The following WDR70 variants were observed in gnomAD, a reference collection of about 807,000 sequenced individuals.
WDR70 encodes WD repeat-containing protein 70.
WDR70 carries 53 observed loss-of-function variants against 88.6 expected under a neutral mutation model. The observed-to-expected ratio is 0.60, with a 90% CI of 0.48 to 0.75. The LOEUF is 0.75. Among genes scored for constraint, WDR70 ranks in the 30% least tolerant of loss-of-function variants. The pLI is 0.00. For missense variants in WDR70, 610 were observed against 823.2 expected (o/e 0.74, Z 3.17); for synonymous variants, 280 against 270.0 (o/e 1.04, Z -0.36).
intron 10 of WDR70, among the ~76,000 whole-genome samples, chr5:37,630,467 G>A (rs1033372700): frequency 2.0e-5 from 3 of 152,152 alleles, no homozygotes; most frequent in African/African-American, 4.8e-5. Flanking sequence ...CCCTGAGTGT[G>A]GGCACTTAGC....
chr5:37,542,580 C>A (rs1316816964), intron 9 of WDR70, among the ~76,000 whole-genome samples: 1 of 152,086 alleles, frequency 6.6e-6, no homozygotes, highest in Non-Finnish European at 1.5e-5. Flanking sequence ...TGTGCCCCGG[C>A]CCACTTTAGT....
At chr5:37,450,460 A>AC (rs1174507294) in intron 7 of WDR70, among the ~76,000 whole-genome samples, 1 of 152,152 alleles carries the variant, frequency 6.6e-6, no homozygotes, top group Non-Finnish European at 1.5e-5. Flanking sequence ...GTTAACCTGA[A>AC]CACCAGTTCA....
rs1561866425 is a variant in WDR70 at position 37,475,208 on chromosome 5, C to CGA, written c.687-4625_687-4624insAG. On this transcript the variant is annotated intron_variant, in intron 7 of 17. Transcript: ENST00000265107. ...ATGCTGGGATTATAGGTGTGAGCCA[C>CGA]GGTACCCATCCTTGTTCCTTGATTT... Among the ~76,000 whole-genome samples, 5 of 151,150 alleles carry CGA rather than the reference C, an allele frequency of 3.3e-5. No individual in the cohort carries two copies. In the East Asian group the frequency reaches 9.9e-4, roughly 30 times the overall value.
chr5:37,499,118 C>CTT (rs1249708604), intron 8 of WDR70, among the ~76,000 whole-genome samples: 1 of 144,664 alleles, frequency 6.9e-6, no homozygotes, highest in African/African-American at 2.5e-5. Context: ...GTTTGTCATT[C>CTT]TTTTTTTTTT....
intron 8 of WDR70, chr5:37,506,889 C>T (rs1740576618): frequency 8.4e-6 from 9 of 1,067,246 alleles, no homozygotes; most frequent in Non-Finnish European, 1.3e-5. Context: ...CTGAGTGAGC[C>T]ACCACCCTCC....
chr5:37,488,095 T>TTC (rs1554143007), intron 8 of WDR70, among the ~76,000 whole-genome samples: 2 of 143,120 alleles, frequency 1.4e-5, no homozygotes, highest in African/African-American at 2.5e-5. Context: ...TTTTTTTTTT[T>TTC]CCTTTCAGCA....
intron 9 of WDR70, among the ~76,000 whole-genome samples, chr5:37,597,348 A>G (rs1055800569): frequency 3.9e-5 from 6 of 152,170 alleles, no homozygotes; most frequent in Admixed American, 6.6e-5. Flanking sequence ...TATCCTCATC[A>G]GCACTAGGTA....
chr5:37,617,779 C>G (rs1744386070), intron 10 of WDR70, among the ~76,000 whole-genome samples: 1 of 152,134 alleles, frequency 6.6e-6, no homozygotes, highest in African/African-American at 2.4e-5. Context: ...GAAATCCTAG[C>G]TTTCATAGTC....
At chr5:37,430,858 C>G (rs1383691304) in intron 5 of WDR70, among the ~76,000 whole-genome samples, 1 of 151,968 alleles carries the variant, frequency 6.6e-6, no homozygotes, top group African/African-American at 2.4e-5. Context: ...CCGTGCCCAG[C>G]ATGTGTATGT....
At position 37,379,373 on chromosome 5, in the gene WDR70, G is replaced by C. The variant is rs747865663; in HGVS notation, c.6G>C (p.Glu2Asp). 6.2e-7 allele frequency: 1 copy of C among 1,613,658 alleles called. No individual in the cohort carries two copies. The highest frequency in any genetic ancestry group is 2.2e-5 in the East Asian group (1 of 44,878). Residue 2 changes from glutamate to aspartate, a missense_variant, in exon 1 of 18, where the codon GAG becomes GAC. Transcript: ENST00000265107. M[E>D]RSGPSEVTGS... is the part of the protein sequence containing the mutation. ...TCTGGGGTGTGCGGCCAGCCATGGA[G>C]CGCTCTGGGCCCAGCGAAGGTGGGT...
rs545444594 is a variant in WDR70 at position 37,400,256 on chromosome 5, A to G, written c.492+3686A>G. On this transcript the variant is annotated intron_variant, in intron 5 of 17. Coordinates refer to ENST00000265107, the MANE Select transcript of WDR70 (RefSeq NM_018034.4). Reference sequence around the variant, plus strand: ...GCCAGAATACAGTGTTTATTAAAAGATAAGTAATACAAATATGTTAATTGA... The same window carrying G: ...GCCAGAATACAGTGTTTATTAAAAGGTAAGTAATACAAATATGTTAATTGA... Among the ~76,000 whole-genome samples the G allele has an allele frequency of 7.2e-5, 11 of 152,294 alleles. No individual in the cohort carries two copies. The East Asian group carries it at 2.1e-3, about 29-fold the overall frequency.
intron 7 of WDR70, among the ~76,000 whole-genome samples, chr5:37,451,695 T>C (rs1738679455): frequency 6.6e-6 from 1 of 152,104 alleles, no homozygotes; most frequent in Non-Finnish European, 1.5e-5. Flanking sequence ...ATGCAGATTT[T>C]TAAATGAAGA....
intron 10 of WDR70, 110 bp from the exon 11 acceptor site, chr5:37,697,545 T>G: frequency 2.4e-6 from 2 of 817,026 alleles, no homozygotes; most frequent in South Asian, 3.6e-5. Flanking sequence ...AGTACTTTGC[T>G]TATAGGTGTG....
chr5:37,647,347 C>T (rs1434089238), intron 10 of WDR70, among the ~76,000 whole-genome samples: 1 of 152,192 alleles, frequency 6.6e-6, no homozygotes, highest in Non-Finnish European at 1.5e-5. Context: ...TTACATATCT[C>T]TGTCTCCAGC....
At chr5:37,530,693 T>C (rs1741454560) in intron 9 of WDR70, among the ~76,000 whole-genome samples, 1 of 152,046 alleles carries the variant, frequency 6.6e-6, no homozygotes, top group Admixed American at 6.5e-5. Context: ...ATTTTCTGTC[T>C]TCCTTGGTTA....
chr5:37,698,435 G>A (rs1315774309), intron 11 of WDR70, among the ~76,000 whole-genome samples: 1 of 152,016 alleles, frequency 6.6e-6, no homozygotes. Context: ...GAAATAGCAT[G>A]GTAAGTAGTT....
chr5:37,587,682 T>C (rs979334204), intron 9 of WDR70, among the ~76,000 whole-genome samples: 7 of 152,190 alleles, frequency 4.6e-5, no homozygotes, highest in Non-Finnish European at 7.3e-5. Context: ...TGGAAAGTAT[T>C]TAATTTATAT....
intron 10 of WDR70, among the ~76,000 whole-genome samples, chr5:37,650,419 A>G (rs1361472657): frequency 1.3e-5 from 2 of 152,096 alleles, no homozygotes; most frequent in Non-Finnish European, 2.9e-5. Context: ...AAGAGAAAGA[A>G]AAAGAAAGTA....
At chr5:37,600,419 C>T (rs961631334) in intron 9 of WDR70, among the ~76,000 whole-genome samples, 7 of 149,224 alleles carry the variant, frequency 4.7e-5, no homozygotes, top group South Asian at 4.2e-4. Flanking sequence ...CCCAGCTACT[C>T]GGGAGGCTAA....
Sources: gnomAD v4.1 joint callset for allele counts (sites outside exome capture counted in the v4.1 genomes callset) on GRCh38, gnomAD v4.1.1 for gene constraint, MANE v1.5 for transcripts, NCBI Gene and HGNC (gene_info 2026-07-23, HGNC 2026-07-21) for gene names.